The following MERTK variants were observed in gnomAD, a reference collection of about 807,000 sequenced individuals.
The protein encoded by MERTK is tyrosine-protein kinase Mer.
MERTK carries 69 observed loss-of-function variants against 99.3 expected under a neutral mutation model. The observed-to-expected ratio is 0.70, with a 90% CI of 0.57 to 0.85. MERTK has a LOEUF of 0.85. Ranked by LOEUF, MERTK falls within the 40% of genes least tolerant of loss-of-function variation. The pLI is 0.00. For missense variants in MERTK, 1,125 were observed against 1,249.4 expected (o/e 0.90, Z 1.50); for synonymous variants, 426 against 467.6 (o/e 0.91, Z 1.15).
rs140305297 is a variant in MERTK at position 111,918,178 on chromosome 2, A to C, written c.62-10942A>C. On this transcript the variant is annotated intron_variant, in intron 1 of 18. Transcript: ENST00000295408. ...TTTAATATCTAGTGTTCTGGGGTGT[A>C]CTTAGTGGGAAGAATAGGGAAAAGT... Among the ~76,000 whole-genome samples, 572 of 152,254 alleles carry C rather than the reference A, an allele frequency of 3.8e-3. 2 individuals carry two copies. Among genetic ancestry groups the C allele is most frequent in the African/African-American group, 0.013 (546 of 41,536 alleles).
At chr2:111,913,157 C>A in intron 1 of MERTK, 1 of 818,592 alleles carries the variant, frequency 1.2e-6, no homozygotes, top group Non-Finnish European at 1.5e-6. Flanking sequence ...GACCTCTATG[C>A]CAGGAATCAA....
At chr2:112,001,118 G>A in intron 10 of MERTK, 83 bp from the exon 11 acceptor site, 1 of 1,028,220 alleles carries the variant, frequency 9.7e-7, no homozygotes, top group Non-Finnish European at 1.5e-6. Flanking sequence ...AAAAGCGGAA[G>A]CTCTGTAGCA....
At position 111,983,701 on chromosome 2, in the gene MERTK, C is replaced by T. The variant is rs76122551; in HGVS notation, c.1296+708C>T. On this transcript the variant is annotated intron_variant, in intron 8 of 18. Transcript: ENST00000295408. Reference sequence around the variant, plus strand: ...GAGGGTACTAGGGTCAAGGGCTCAGCACCCTGTGTAGTGAACAGCAAACAA... The same window carrying T: ...GAGGGTACTAGGGTCAAGGGCTCAGTACCCTGTGTAGTGAACAGCAAACAA... Among the ~76,000 whole-genome samples, 35 of 152,358 alleles carry T rather than the reference C, an allele frequency of 2.3e-4. No homozygotes were observed. The East Asian group carries it at 6.4e-3, about 28-fold the overall frequency.
At chr2:111,989,635 G>A (rs1186800519) in intron 8 of MERTK, among the ~76,000 whole-genome samples, 4 of 152,196 alleles carry the variant, frequency 2.6e-5, no homozygotes, top group Admixed American at 6.5e-5. Flanking sequence ...GATTACAGGC[G>A]TAAGCCACCA....
intron 16 of MERTK, among the ~76,000 whole-genome samples, chr2:112,021,136 T>G (rs4643544): frequency 0.6 from 91,651 of 151,518 alleles, 28,033 homozygotes; most frequent in Middle Eastern, 0.69. Flanking sequence ...GGAAGCAGAG[T>G]TTGCTGTGAG....
chr2:112,021,275 G>C, intron 16 of MERTK, 147 bp from the exon 17 acceptor site: 1 of 1,147,672 alleles, frequency 8.7e-7, no homozygotes, highest in East Asian at 2.4e-5. Flanking sequence ...CTCTGCCATT[G>C]GTCCCAATGC....
chr2:112,028,348 C>T lies in MERTK; in HGVS notation c.2487-3C>T. 1 of 1,614,068 alleles carries T rather than the reference C, an allele frequency of 6.2e-7. No homozygotes were observed. Among genetic ancestry groups the T allele is most frequent in the Non-Finnish European group, 8.5e-7 (1 of 1,179,944 alleles). ...AGACAATCCACTTCTTTTTAACTTTCAGGTATGAAATAATGTACTCTTGCT... is the reference window on the plus strand; with the variant it reads ...AGACAATCCACTTCTTTTTAACTTTTAGGTATGAAATAATGTACTCTTGCT... On this transcript the variant is annotated splice_polypyrimidine_tract_variant and splice_region_variant and intron_variant, in intron 18 of 18. Coordinates refer to ENST00000295408, the MANE Select transcript of MERTK (RefSeq NM_006343.3).
intron 7 of MERTK, among the ~76,000 whole-genome samples, chr2:111,982,423 C>T (rs866430930): frequency 5.9e-5 from 9 of 152,052 alleles, no homozygotes; most frequent in Admixed American, 5.2e-4. Flanking sequence ...GCTTTTTCTG[C>T]CCAGGCTGAA....
At position 111,929,148 on chromosome 2, in the gene MERTK, G is replaced by T. The variant is rs1308272767; in HGVS notation, c.90G>T (p.Lys30Asn). 6.2e-7 allele frequency: 1 copy of T among 1,614,034 alleles called. No individual in the cohort carries two copies. The highest frequency in any genetic ancestry group is 8.5e-7 in the Non-Finnish European group (1 of 1,180,032). The change falls in exon 2 of 19, where the codon AAG becomes AAT. Residue 30 changes from lysine (K) to asparagine (N), a missense_variant. Coordinates refer to ENST00000295408, the MANE Select transcript of MERTK (RefSeq NM_006343.3). ...RAITEAREEA[K>N]PYPLFPGPFP... ...TCACTGAGGCAAGGGAAGAAGCCAA[G>T]CCTTACCCGCTATTCCCGGGACCTT... is the stretch of plus-strand genomic sequence containing the variant.
chr2:112,017,814 G>C (rs566989903), intron 15 of MERTK, among the ~76,000 whole-genome samples: 43 of 152,292 alleles, frequency 2.8e-4, no homozygotes, highest in African/African-American at 9.9e-4. Context: ...GCAATGGAAG[G>C]ATAGGAGGAG....
At chr2:111,942,068 G>A (rs1008456012) in intron 2 of MERTK, among the ~76,000 whole-genome samples, 2 of 152,150 alleles carry the variant, frequency 1.3e-5, no homozygotes, top group South Asian at 4.1e-4. Flanking sequence ...TCCTGGGGCT[G>A]TGCCCCACCT....
chr2:112,004,587 G>A (rs1293853070), intron 13 of MERTK, among the ~76,000 whole-genome samples: 1 of 152,294 alleles, frequency 6.6e-6, no homozygotes. Context: ...CCAAGAACCT[G>A]CTTTATCCTG....
intron 6 of MERTK, among the ~76,000 whole-genome samples, chr2:111,974,022 TACA>T (rs1676181727): frequency 7.0e-6 from 1 of 142,880 alleles, no homozygotes; most frequent in Non-Finnish European, 1.5e-5. Context: ...GCCAAGAATC[TACA>T]TTTCCTGTGT....
intron 1 of MERTK, among the ~76,000 whole-genome samples, chr2:111,907,832 A>C (rs1360073423): frequency 6.6e-6 from 1 of 152,268 alleles, no homozygotes; most frequent in Non-Finnish European, 1.5e-5. Context: ...GAAGATAAGG[A>C]TAAAGACAAT....
intron 8 of MERTK, among the ~76,000 whole-genome samples, chr2:111,985,220 T>C (rs1264201799): frequency 6.6e-6 from 1 of 152,196 alleles, no homozygotes; most frequent in Non-Finnish European, 1.5e-5. Context: ...TTGATTTCTA[T>C]GAAGTCTAAA....
intron 8 of MERTK, among the ~76,000 whole-genome samples, chr2:111,990,146 G>A (rs1676585063): frequency 6.6e-6 from 1 of 152,006 alleles, no homozygotes; most frequent in African/African-American, 2.4e-5. Context: ...TAAATACTTG[G>A]GGATATGAAT....
intron 15 of MERTK, among the ~76,000 whole-genome samples, chr2:112,015,073 A>T (rs958411038): frequency 1.4e-4 from 22 of 152,166 alleles, no homozygotes; most frequent in South Asian, 6.2e-4. Context: ...ACCACAGTTT[A>T]TCTTTTCACC....
intron 1 of MERTK, among the ~76,000 whole-genome samples, chr2:111,922,569 A>G (rs1444031808): frequency 6.6e-6 from 1 of 152,110 alleles, no homozygotes; most frequent in Non-Finnish European, 1.5e-5. Flanking sequence ...AGAAATTCCT[A>G]CTTTAGGTGG....
intron 1 of MERTK, among the ~76,000 whole-genome samples, chr2:111,906,019 A>G (rs550679707): frequency 6.6e-6 from 1 of 152,318 alleles, no homozygotes; most frequent in East Asian, 1.9e-4. Context: ...CAGAAGCTCA[A>G]TGCCTGGATT....
Sources: gnomAD v4.1 joint callset for allele counts (sites outside exome capture counted in the v4.1 genomes callset) on GRCh38, gnomAD v4.1.1 for gene constraint, MANE v1.5 for transcripts, NCBI Gene and HGNC (gene_info 2026-07-23, HGNC 2026-07-21) for gene names.